SI: variants seen among roughly 807,000 people sequenced by gnomAD.
SI encodes the protein sucrase-isomaltase, intestinal.
Under a neutral mutation model 253.3 loss-of-function variants are expected in SI, and 235 were observed. That is an observed-to-expected ratio of 0.93 (90% confidence interval 0.83 to 1.03). The LOEUF is 1.03. Among genes scored for constraint, SI ranks in the 50% least tolerant of loss-of-function variants. The pLI is 0.00. For synonymous variants in SI, 819 were observed against 712.0 expected, an observed-to-expected ratio of 1.15 and a Z score of -2.39; for missense variants, 2,442 against 2,211.1, an observed-to-expected ratio of 1.10 and a Z score of -2.09.
At chr3:164,998,845 A>C (rs1025794697) in intron 37 of SI, among the ~76,000 whole-genome samples, 172 bp from the exon 38 acceptor site, 2 of 151,820 alleles carry the variant, frequency 1.3e-5, no homozygotes, top group African/African-American at 4.8e-5. Context: ...AAAATCCTCA[A>C]AACATAAAGG....
At chr3:165,061,997 G>T (rs957242698) in intron 9 of SI, among the ~76,000 whole-genome samples, 4 of 151,884 alleles carry the variant, frequency 2.6e-5, no homozygotes, top group African/African-American at 9.7e-5. Context: ...TTGACCAAAA[G>T]GATATATGAC....
At chr3:164,981,423 T>A (rs1004177686) in intron 47 of SI, among the ~76,000 whole-genome samples, 22 of 151,932 alleles carry the variant, frequency 1.4e-4, no homozygotes, top group Admixed American at 6.6e-4. Context: ...ATATATATAT[T>A]TTTTTAGGTT....
At chr3:165,008,728 A>C (rs890854854) in intron 35 of SI, among the ~76,000 whole-genome samples, 24 of 152,038 alleles carry the variant, frequency 1.6e-4, no homozygotes, top group Admixed American at 1.4e-3. Context: ...AATGCTTTAC[A>C]CTGGAAAAAT....
At chr3:165,015,873 C>T (rs2108171991) in intron 32 of SI, 79 bp downstream of exon 32, 1 of 1,262,392 alleles carries the variant, frequency 7.9e-7, no homozygotes, top group Non-Finnish European at 1.2e-6. Flanking sequence ...TATTTTGAAA[C>T]ATCTTCCCCC....
chr3:165,019,831 T>C, intron 27 of SI, 61 bp from the exon 28 acceptor site: 10 of 1,343,800 alleles, frequency 7.4e-6, no homozygotes, highest in Non-Finnish European at 1.1e-5. Flanking sequence ...GTATCACAAA[T>C]AATAACGGTA....
Position 165,029,713 on chromosome 3 carries a change from T to C in SI, c.2892+999A>G, listed in dbSNP as rs1391265079. On this transcript the variant is annotated intron_variant, in intron 25 of 47. Coordinates refer to ENST00000264382, the MANE Select transcript of SI (RefSeq NM_001041.4). The stretch of plus-strand genomic sequence containing the variant: ...TCATGTTTAGAAGATATTTATTCTT[T>C]AGCAAAATGAATTGTTCCCACCTGT... Among the ~76,000 whole-genome samples, 5 of 149,410 alleles carry C rather than the reference T, an allele frequency of 3.3e-5. No homozygotes were observed. The South Asian group carries it at 6.3e-4, about 19-fold the overall frequency.
At chr3:165,036,309 A>C (rs1011683451) in intron 22 of SI, 80 bp downstream of exon 22, 29 of 923,550 alleles carry the variant, frequency 3.1e-5, no homozygotes, top group Non-Finnish European at 4.4e-5. Flanking sequence ...ATATTTAAAA[A>C]ATGATACAAC....
At chr3:165,075,528 T>C (rs950823418) in intron 2 of SI, among the ~76,000 whole-genome samples, 2 of 151,990 alleles carry the variant, frequency 1.3e-5, no homozygotes, top group South Asian at 4.1e-4. Context: ...AATCCTTATT[T>C]CCTTTGCAAG....
At chr3:164,994,202 T>G (rs944301360) in intron 41 of SI, 55 bp downstream of exon 41, 52 of 1,504,966 alleles carry the variant, frequency 3.5e-5, no homozygotes, top group Non-Finnish European at 4.8e-5. Flanking sequence ...GATCATTGGG[T>G]AAATTAAGTG....
At chr3:165,075,533 T>C (rs2108116694) in intron 2 of SI, among the ~76,000 whole-genome samples, 2 of 152,104 alleles carry the variant, frequency 1.3e-5, no homozygotes, top group South Asian at 4.1e-4. Flanking sequence ...TTATTTCCTT[T>C]GCAAGTGTGT....
At chr3:165,062,299 C>T in intron 9 of SI, 72 bp downstream of exon 9, 1 of 781,864 alleles carries the variant, frequency 1.3e-6, no homozygotes, top group East Asian at 2.6e-5. Context: ...ATAAAGTCAT[C>T]TAAATATGTG....
chr3:165,044,098 T>G (rs1712994249), intron 16 of SI, among the ~76,000 whole-genome samples: 1 of 152,066 alleles, frequency 6.6e-6, no homozygotes, highest in Non-Finnish European at 1.5e-5. Flanking sequence ...TTATATAAAA[T>G]TACCTTCAAA....
At chr3:165,080,175 A>G (rs1040132826), upstream of SI, among the ~76,000 whole-genome samples, 7 of 152,006 alleles carry the variant, frequency 4.6e-5, no homozygotes, top group African/African-American at 1.7e-4. Context: ...TAAATCTTAT[A>G]TTTCAGATCA....
upstream of SI, among the ~76,000 whole-genome samples, chr3:165,079,633 A>C (rs1463095561): frequency 6.6e-6 from 1 of 151,724 alleles, no homozygotes; most frequent in African/African-American, 2.4e-5. Flanking sequence ...TTCATATGCC[A>C]CATTATTTTA....
chr3:164,991,297 A>T, intron 44 of SI, 56 bp downstream of exon 44: 1 of 1,598,866 alleles, frequency 6.3e-7, no homozygotes, highest in Non-Finnish European at 8.6e-7. Flanking sequence ...TTTCTTAACA[A>T]TGCTAGCATG....
chr3:165,010,200 C>A (rs146384816), intron 34 of SI, among the ~76,000 whole-genome samples: 1 of 151,970 alleles, frequency 6.6e-6, no homozygotes, highest in African/African-American at 2.4e-5. Flanking sequence ...GCTCTTGTTG[C>A]CCAGGCTGGA....
chr3:165,016,597 T>C (rs1269423815), intron 31 of SI, among the ~76,000 whole-genome samples: 1 of 151,984 alleles, frequency 6.6e-6, no homozygotes, highest in Non-Finnish European at 1.5e-5. Flanking sequence ...AAAGTCACTT[T>C]TAGGATAACA....
At chr3:165,056,286 A>T (rs1713690015) in intron 12 of SI, among the ~76,000 whole-genome samples, 1 of 152,092 alleles carries the variant, frequency 6.6e-6, no homozygotes, top group Admixed American at 6.6e-5. Context: ...AAAGACTTTC[A>T]CGGGAAACTT....
chr3:165,082,545 T>G (rs1250245266), upstream of SI, among the ~76,000 whole-genome samples: 1 of 151,966 alleles, frequency 6.6e-6, no homozygotes, highest in Non-Finnish European at 1.5e-5. Flanking sequence ...TATTTGCCAT[T>G]TCATCTCCCC....
Sources: allele counts gnomAD v4.1 joint callset (sites outside exome capture counted in the v4.1 genomes callset), GRCh38; gene constraint gnomAD v4.1.1; transcripts MANE v1.5; gene names NCBI Gene and HGNC (gene_info 2026-07-23, HGNC 2026-07-21).